Variants in PPARG observed in about 807,000 individuals in gnomAD.
PPARG encodes peroxisome proliferator-activated receptor gamma.
A neutral mutation model predicts 39.2 loss-of-function variants in PPARG; 17 were observed. That is an observed-to-expected ratio of 0.43 (90% CI 0.30 to 0.65). The LOEUF (loss-of-function observed/expected upper bound fraction) is 0.65. PPARG is among the 30% of genes least tolerant of loss of function. The pLI, the probability that PPARG is intolerant of heterozygous loss-of-function variation, is 0.13. For synonymous variants in PPARG, 223 were observed against 215.7 expected, an observed-to-expected ratio of 1.03 and a Z score of -0.30; for missense variants, 406 against 585.9, an observed-to-expected ratio of 0.69 and a Z score of 3.17.
intron 1 of PPARG, among the ~76,000 whole-genome samples, chr3:12,300,332 G>C (rs1378880138): frequency 6.6e-6 from 1 of 152,168 alleles, no homozygotes; most frequent in Non-Finnish European, 1.5e-5. Context: ...GATTACCACA[G>C]CTCAATAAAA....
intron 2 of PPARG, among the ~76,000 whole-genome samples, chr3:12,322,914 A>G (rs12631322): frequency 0.25 from 38,301 of 151,810 alleles, 4,945 homozygotes; most frequent in East Asian, 0.33. Flanking sequence ...TGATCCTCCC[A>G]CCTCAGCCTC....
intron 2 of PPARG, among the ~76,000 whole-genome samples, chr3:12,376,665 G>A (rs566227462): frequency 4.7e-4 from 71 of 152,256 alleles, no homozygotes; most frequent in African/African-American, 1.6e-3. Flanking sequence ...AGATTATGCA[G>A]AAGAAAAGGT....
intron 1 of PPARG, among the ~76,000 whole-genome samples, chr3:12,296,532 C>T (rs2046791069): frequency 6.6e-6 from 1 of 152,106 alleles, no homozygotes; most frequent in Admixed American, 6.6e-5. Flanking sequence ...GTAAGCCTTA[C>T]CCTTGCTTAT....
intron 7 of PPARG, among the ~76,000 whole-genome samples, chr3:12,421,149 C>T (rs2051246976): frequency 6.6e-6 from 1 of 152,188 alleles, no homozygotes; most frequent in Admixed American, 6.5e-5. Context: ...AACACTGAAA[C>T]CTGGGTGTCC....
chr3:12,324,049 C>T (rs545451410), intron 2 of PPARG, among the ~76,000 whole-genome samples: 2 of 152,028 alleles, frequency 1.3e-5, no homozygotes, highest in Non-Finnish European at 2.9e-5. Flanking sequence ...GAGGCTAAAG[C>T]GTGTGAATCA....
intron 1 of PPARG, among the ~76,000 whole-genome samples, chr3:12,305,073 T>C (rs908317806): frequency 1.3e-5 from 2 of 152,130 alleles, no homozygotes; most frequent in Admixed American, 6.5e-5. Flanking sequence ...GCACTAGCTC[T>C]TGTTCTTGTT....
intron 6 of PPARG, among the ~76,000 whole-genome samples, chr3:12,413,663 T>TA (rs1218379185): frequency 1.3e-5 from 2 of 150,630 alleles, no homozygotes; most frequent in African/African-American, 2.4e-5. Context: ...TAAAAAAATT[T>TA]AAAAAAAATT....
chr3:12,417,129 T>TATGG lies in PPARG; in HGVS notation c.1157_1158insGGAT (p.Ile386MetfsTer21). Reference sequence around the variant, plus strand: ...TAGATGACAGCGACTTGGCAATATTTATTGCTGTCATTATTCTCAGTGGAG... The same window carrying TATGG: ...TAGATGACAGCGACTTGGCAATATTTATGGATTGCTGTCATTATTCTCAGTGGAG... On this transcript the variant is annotated frameshift_variant, in exon 7 of 8. Transcript: ENST00000651735. LOFTEE classifies it high-confidence loss of function. 1 of 1,614,062 alleles carries TATGG rather than the reference T, an allele frequency of 6.2e-7. No homozygotes were observed. The highest frequency in any genetic ancestry group is 8.5e-7 in the Non-Finnish European group (1 of 1,179,972).
chr3:12,326,615 T>G (rs981452500), intron 2 of PPARG, among the ~76,000 whole-genome samples: 1 of 152,240 alleles, frequency 6.6e-6, no homozygotes, highest in African/African-American at 2.4e-5. Flanking sequence ...GCACTAGTAG[T>G]AGACTTTTAA....
upstream of PPARG, chr3:12,289,006 A>C (rs892861157): frequency 6.6e-6 from 1 of 152,248 alleles, no homozygotes; most frequent in African/African-American, 2.4e-5. Flanking sequence ...TAAGGTAAGG[A>C]GTCAGAAACG....
At chr3:12,297,892 G>A (rs1248928224) in intron 1 of PPARG, 2 of 151,906 alleles carry the variant, frequency 1.3e-5, no homozygotes, top group Non-Finnish European at 2.9e-5. Flanking sequence ...TCCTGCTGCT[G>A]ACAGAATGTT....
intron 2 of PPARG, among the ~76,000 whole-genome samples, chr3:12,358,145 A>G (rs931061068): frequency 2.6e-5 from 4 of 152,208 alleles, no homozygotes; most frequent in African/African-American, 4.8e-5. Context: ...TTTGAGTAGC[A>G]TTCATTGAAT....
intron 4 of PPARG, among the ~76,000 whole-genome samples, chr3:12,386,989 G>A (rs2049898463): frequency 4.0e-5 from 6 of 151,822 alleles, no homozygotes; most frequent in Middle Eastern, 3.4e-3. Flanking sequence ...CTGTCCTTGT[G>A]ATAGTTTGCT....
At chr3:12,377,525 T>G (rs1037829243) in intron 2 of PPARG, among the ~76,000 whole-genome samples, 1 of 152,204 alleles carries the variant, frequency 6.6e-6, no homozygotes, top group African/African-American at 2.4e-5. Context: ...TTTAAAATTT[T>G]TTTATTTTTG....
chr3:12,396,609 T>C (rs1012420868), intron 5 of PPARG, among the ~76,000 whole-genome samples: 3 of 151,926 alleles, frequency 2.0e-5, no homozygotes, highest in African/African-American at 7.3e-5. Context: ...CTACAAAAAA[T>C]TAGTCGGGCG....
intron 7 of PPARG, 59 bp downstream of exon 7, chr3:12,417,213 A>G: frequency 1.9e-6 from 3 of 1,553,402 alleles, no homozygotes; most frequent in Non-Finnish European, 2.6e-6. Flanking sequence ...GGGTGGCCAA[A>G]AGAATTTTGG....
At chr3:12,380,783 A>G (rs997661981) in intron 3 of PPARG, among the ~76,000 whole-genome samples, 2 of 152,170 alleles carry the variant, frequency 1.3e-5, no homozygotes, top group Admixed American at 6.6e-5. Context: ...TCTGTCAAAG[A>G]TTATTTCACA....
At chr3:12,367,107 A>G (rs905352035) in intron 2 of PPARG, among the ~76,000 whole-genome samples, 2 of 152,120 alleles carry the variant, frequency 1.3e-5, no homozygotes, top group African/African-American at 4.8e-5. Flanking sequence ...TTCATCTTGT[A>G]TGAGTTTTGG....
At chr3:12,351,427 G>T in intron 2 of PPARG, 3 of 663,370 alleles carry the variant, frequency 4.5e-6, no homozygotes. Flanking sequence ...AGTCCTTTCT[G>T]TGTTTATTCC....
Sources: allele counts gnomAD v4.1 joint callset (sites outside exome capture counted in the v4.1 genomes callset), GRCh38; gene constraint gnomAD v4.1.1; transcripts MANE v1.5; gene names NCBI Gene and HGNC (gene_info 2026-07-23, HGNC 2026-07-21).